EPHA3: variants seen among roughly 807,000 people sequenced by gnomAD.
The protein encoded by EPHA3 is ephrin type-A receptor 3.
Under a neutral mutation model 107.1 loss-of-function variants are expected in EPHA3, and 42 were observed. The observed-to-expected ratio is 0.39, with a 90% CI of 0.31 to 0.51. The LOEUF (loss-of-function observed/expected upper bound fraction) is 0.51, where lower values mean the gene tolerates loss of function less well. EPHA3 is among the 20% of genes least tolerant of loss of function. The pLI, the probability that EPHA3 is intolerant of heterozygous loss-of-function variation, is 0.78. For missense variants in EPHA3, 1,183 were observed against 1,211.2 expected (o/e 0.98, Z 0.35); for synonymous variants, 461 against 424.8 (o/e 1.09, Z -1.05).
intron 5 of EPHA3, among the ~76,000 whole-genome samples, chr3:89,357,001 G>T (rs190606037): frequency 4.0e-4 from 58 of 145,424 alleles, no homozygotes; most frequent in African/African-American, 1.5e-3. Context: ...CCAGCTACTC[G>T]GAAGGCTGAG....
intron 2 of EPHA3, among the ~76,000 whole-genome samples, chr3:89,203,415 G>T (rs545200262): frequency 6.6e-6 from 1 of 151,906 alleles, no homozygotes; most frequent in Non-Finnish European, 1.5e-5. Context: ...CCAAAGGTGC[G>T]GTATCATTGC....
chr3:89,182,748 T>C (rs2107122730), intron 2 of EPHA3, among the ~76,000 whole-genome samples: 1 of 151,978 alleles, frequency 6.6e-6, no homozygotes, highest in Middle Eastern at 3.4e-3. Flanking sequence ...AACAAAAACT[T>C]AGCATATCTT....
At chr3:89,218,080 T>C (rs1297259437) in intron 3 of EPHA3, among the ~76,000 whole-genome samples, 3 of 152,156 alleles carry the variant, frequency 2.0e-5, no homozygotes, top group Non-Finnish European at 4.4e-5. Context: ...TTGATTCATG[T>C]ATTGAATTGG....
chr3:89,274,105 G>A (rs1217739028), intron 3 of EPHA3, among the ~76,000 whole-genome samples: 8 of 151,906 alleles, frequency 5.3e-5, no homozygotes, highest in Non-Finnish European at 1.2e-4. Flanking sequence ...ACTAGAAAGT[G>A]CCACAAGTAT....
chr3:89,160,907 T>C (rs1209735210), intron 2 of EPHA3, among the ~76,000 whole-genome samples: 3 of 152,172 alleles, frequency 2.0e-5, no homozygotes, highest in Admixed American at 2.0e-4. Flanking sequence ...CTCAGGATTG[T>C]ACTCTAAGAA....
intron 1 of EPHA3, among the ~76,000 whole-genome samples, chr3:89,115,745 T>G (rs2106948805): frequency 6.6e-6 from 1 of 152,312 alleles, no homozygotes; most frequent in South Asian, 2.1e-4. Flanking sequence ...TTTCCCATTG[T>G]TACAACTGAG....
At chr3:89,313,339 A>C (rs1706810571) in intron 3 of EPHA3, among the ~76,000 whole-genome samples, 1 of 151,994 alleles carries the variant, frequency 6.6e-6, no homozygotes, top group Admixed American at 6.6e-5. Context: ...CATTTAATTT[A>C]AACAGTACAT....
intron 3 of EPHA3, among the ~76,000 whole-genome samples, chr3:89,338,843 C>T (rs550998201): frequency 6.6e-6 from 1 of 152,268 alleles, no homozygotes; most frequent in East Asian, 1.9e-4. Flanking sequence ...CTTTTTGTTT[C>T]TATTACAGAT....
intron 2 of EPHA3, among the ~76,000 whole-genome samples, chr3:89,164,337 G>T (rs796122831): frequency 6.6e-5 from 10 of 152,320 alleles, no homozygotes; most frequent in African/African-American, 2.4e-4. Flanking sequence ...CACATTCAAA[G>T]CCATCCTGGG....
intron 3 of EPHA3, among the ~76,000 whole-genome samples, chr3:89,279,977 A>G (rs909677270): frequency 1.3e-5 from 2 of 151,930 alleles, no homozygotes; most frequent in African/African-American, 4.8e-5. Flanking sequence ...CTCAGGGGAA[A>G]ATATATAGAG....
chr3:89,293,077 T>G (rs1576293729), intron 3 of EPHA3, among the ~76,000 whole-genome samples: 1 of 152,328 alleles, frequency 6.6e-6, no homozygotes, highest in Middle Eastern at 3.4e-3. Flanking sequence ...GGCTTTAATT[T>G]GCATTTCCAT....
chr3:89,337,222 A>G (rs1384128178), intron 3 of EPHA3, among the ~76,000 whole-genome samples: 2 of 152,220 alleles, frequency 1.3e-5, no homozygotes, highest in East Asian at 1.9e-4. Context: ...TTTCAATTTC[A>G]TATCAACAGT....
chr3:89,409,389 A>G (rs996705940), intron 9 of EPHA3, among the ~76,000 whole-genome samples: 8 of 151,994 alleles, frequency 5.3e-5, no homozygotes, highest in Admixed American at 1.3e-4. Flanking sequence ...GTCACCCTCA[A>G]TTTGACTTGG....
chr3:89,224,343 TAG>T lies in EPHA3; in HGVS notation c.814+13824_814+13825del, dbSNP rs544767563. The stretch of plus-strand genomic sequence containing the variant: ...GGTTGCCAGGGCAAATGAGTTGGGA[TAG>T]TTAATTTACAATAAAATGATAAAAG... On this transcript the variant is annotated intron_variant, in intron 3 of 16. Coordinates refer to ENST00000336596, the MANE Select transcript of EPHA3 (RefSeq NM_005233.6). Among the ~76,000 whole-genome samples the T allele has an allele frequency of 2.6e-3, 397 of 152,340 alleles. 1 individual carries two copies. Among genetic ancestry groups the T allele is most frequent in the African/African-American group, 8.9e-3 (371 of 41,578 alleles).
rs563911225 is a variant in EPHA3 at position 89,324,477 on chromosome 3, G to A, written c.815-16439G>A. 2.6e-5 allele frequency among the ~76,000 whole-genome samples: 4 copies of A among 151,802 alleles called. No homozygotes were observed. The South Asian group carries it at 8.3e-4, about 32-fold the overall frequency. On this transcript the variant is annotated intron_variant, in intron 3 of 16. Coordinates refer to ENST00000336596, the MANE Select transcript of EPHA3 (RefSeq NM_005233.6). ...GCTGGGATTAAAGACATGACCCACA[G>A]CTCCCAGCTAGTTTATTTTTTTATT...
chr3:89,241,138 C>A (rs566663173), intron 3 of EPHA3, among the ~76,000 whole-genome samples: 2 of 151,820 alleles, frequency 1.3e-5, no homozygotes, highest in African/African-American at 4.8e-5. Flanking sequence ...TAAAAAAACA[C>A]CAGTCATTGC....
At chr3:89,201,722 A>G (rs1051609622) in intron 2 of EPHA3, among the ~76,000 whole-genome samples, 9 of 152,174 alleles carry the variant, frequency 5.9e-5, no homozygotes, top group African/African-American at 2.2e-4. Context: ...AAGTGCTTCG[A>G]GTGTTTATTT....
At chr3:89,206,019 A>T (rs1268928284) in intron 2 of EPHA3, among the ~76,000 whole-genome samples, 2 of 152,152 alleles carry the variant, frequency 1.3e-5, no homozygotes, top group Non-Finnish European at 2.9e-5. Context: ...GAAAATATTC[A>T]TTTAAGAATT....
chr3:89,216,612 T>G (rs1704228888), intron 3 of EPHA3, among the ~76,000 whole-genome samples: 1 of 152,076 alleles, frequency 6.6e-6, no homozygotes. Context: ...ATGGATGACC[T>G]TCCTTAGCTC....
Sources: gnomAD v4.1 joint callset for allele counts (sites outside exome capture counted in the v4.1 genomes callset) on GRCh38, gnomAD v4.1.1 for gene constraint, MANE v1.5 for transcripts, NCBI Gene and HGNC (gene_info 2026-07-23, HGNC 2026-07-21) for gene names.